The following RBFOX1 variants were observed in gnomAD, a reference collection of about 807,000 sequenced individuals.
The protein encoded by RBFOX1 is RNA binding protein fox-1 homolog 1.
Under a neutral mutation model 57.7 loss-of-function variants are expected in RBFOX1, and 8 were observed. That is an observed-to-expected ratio of 0.14 (90% CI 0.08 to 0.25). RBFOX1 has a LOEUF of 0.25. Ranked by LOEUF, RBFOX1 falls within the 10% of genes least tolerant of loss-of-function variation. The probability of loss-of-function intolerance (pLI) is 1.00; values close to 1 mark genes in which losing one functional copy is unlikely to be tolerated. For synonymous variants in RBFOX1, 326 were observed against 222.4 expected, an observed-to-expected ratio of 1.47 and a Z score of -4.15; for missense variants, 611 against 548.5, an observed-to-expected ratio of 1.11 and a Z score of -1.14.
intron 4 of RBFOX1, among the ~76,000 whole-genome samples, chr16:5,890,302 G>T (rs2058015869): frequency 6.6e-6 from 1 of 152,110 alleles, no homozygotes; most frequent in African/African-American, 2.4e-5. Flanking sequence ...CTTTCATGTT[G>T]ACTGACTTTA....
In RBFOX1 at chr16:6,316,564, A is replaced by G. The variant is rs138687411; in HGVS notation, c.-126-431A>G. On this transcript the variant is annotated intron_variant, in intron 1 of 15. Coordinates refer to ENST00000550418, the MANE Select transcript of RBFOX1 (RefSeq NM_018723.4). Reference sequence around the variant, plus strand: ...AAGCTAATTCCTAGGGGGAAAATCCATAATGATATATCTGAAATGTCAACC... The same window carrying G: ...AAGCTAATTCCTAGGGGGAAAATCCGTAATGATATATCTGAAATGTCAACC... 4.7e-3 allele frequency among the ~76,000 whole-genome samples: 709 copies of G among 152,356 alleles called. 3 individuals are homozygous for G. The highest frequency in any genetic ancestry group is 0.016 in the African/African-American group (685 of 41,586).
intron 3 of RBFOX1, among the ~76,000 whole-genome samples, chr16:5,843,159 T>A (rs986453836): frequency 6.6e-6 from 1 of 152,172 alleles, no homozygotes; most frequent in African/African-American, 2.4e-5. Flanking sequence ...CATTATAGGT[T>A]CAGGGGTACA....
At chr16:6,942,736 CTT>C (rs2078771107) in intron 3 of RBFOX1, among the ~76,000 whole-genome samples, 5 of 152,268 alleles carry the variant, frequency 3.3e-5, no homozygotes, top group Admixed American at 3.3e-4. Context: ...TAGAGACTCT[CTT>C]GAGAGACAGA....
chr16:6,599,823 T>C (rs976185184), intron 2 of RBFOX1, among the ~76,000 whole-genome samples: 6 of 150,798 alleles, frequency 4.0e-5, no homozygotes, highest in African/African-American at 1.4e-4. Context: ...ATGAGAGCAC[T>C]TAGCTTAGAG....
intron 4 of RBFOX1, among the ~76,000 whole-genome samples, chr16:5,971,078 G>A (rs1385600791): frequency 2.6e-5 from 4 of 152,108 alleles, no homozygotes; most frequent in Admixed American, 1.3e-4. Flanking sequence ...GTCCCCTTTC[G>A]ATCTTTATCT....
At chr16:5,383,625 G>A (rs1313787168) in intron 1 of RBFOX1, among the ~76,000 whole-genome samples, 1 of 152,182 alleles carries the variant, frequency 6.6e-6, no homozygotes, top group African/African-American at 2.4e-5. Flanking sequence ...AACTGAGCAG[G>A]TGCTCATAAA....
At chr16:5,985,173 T>C (rs1222852729) in intron 4 of RBFOX1, among the ~76,000 whole-genome samples, 1 of 151,220 alleles carries the variant, frequency 6.6e-6, no homozygotes, top group Non-Finnish European at 1.5e-5. Flanking sequence ...TTTTTATTTT[T>C]AGTAGAGGCG....
intron 3 of RBFOX1, among the ~76,000 whole-genome samples, chr16:5,835,752 C>G (rs2056436359): frequency 6.6e-6 from 1 of 152,222 alleles, no homozygotes; most frequent in Non-Finnish European, 1.5e-5. Flanking sequence ...TGATTAAACT[C>G]AATTTGGCAT....
intron 1 of RBFOX1, among the ~76,000 whole-genome samples, chr16:6,148,116 G>A (rs538390631): frequency 6.6e-5 from 10 of 152,304 alleles, no homozygotes; most frequent in African/African-American, 2.4e-4. Context: ...ATCACCTGAG[G>A]TCAGGAGTTC....
intron 4 of RBFOX1, among the ~76,000 whole-genome samples, chr16:7,127,233 C>G (rs1250629853): frequency 6.6e-6 from 1 of 152,122 alleles, no homozygotes; most frequent in Non-Finnish European, 1.5e-5. Flanking sequence ...ATTCAGCATT[C>G]TCCATACTTT....
rs147381000 is a variant in RBFOX1, at chr16:6,674,578, T to G, written c.-16+19928T>G. Among the ~76,000 whole-genome samples the G allele has an allele frequency of 4.4e-3, 665 of 152,224 alleles. 5 individuals are homozygous for G. The highest frequency in any genetic ancestry group is 0.015 in the African/African-American group (637 of 41,540). On this transcript the variant is annotated intron_variant, in intron 3 of 15. Coordinates refer to ENST00000550418, the MANE Select transcript of RBFOX1 (RefSeq NM_018723.4). ...CTCAAGTGATCCACCCACCTCAGCC[T>G]CCCAAAGTGTTGGAATTACAGGCGT... is the stretch of plus-strand genomic sequence containing the variant.
intron 3 of RBFOX1, among the ~76,000 whole-genome samples, chr16:6,889,408 C>A (rs1306441954): frequency 6.6e-6 from 1 of 152,182 alleles, no homozygotes; most frequent in Non-Finnish European, 1.5e-5. Flanking sequence ...TATGACGGCT[C>A]TGTCAACTTG....
intron 2 of RBFOX1, among the ~76,000 whole-genome samples, chr16:6,589,743 TCTTTGTTTCAAAATTAAA>T (rs1567793863): frequency 6.6e-6 from 1 of 152,220 alleles, no homozygotes; most frequent in Admixed American, 6.5e-5. Flanking sequence ...GCTGTTCTCA[TCTTTGTTTCAAAATTAAA>T]CTATAAACTA....
chr16:6,905,703 C>T (rs1355722895), intron 3 of RBFOX1, among the ~76,000 whole-genome samples: 5 of 152,196 alleles, frequency 3.3e-5, no homozygotes, highest in South Asian at 2.1e-4. Context: ...GGTTAATCAT[C>T]CCTGTTAGAA....
At chr16:5,565,756 G>C (rs565050356) in intron 2 of RBFOX1, among the ~76,000 whole-genome samples, 4 of 152,234 alleles carry the variant, frequency 2.6e-5, no homozygotes, top group Non-Finnish European at 5.9e-5. Context: ...TAGCCATCCT[G>C]AGATATTTTC....
chr16:6,505,577 G>C (rs916782785), intron 2 of RBFOX1, among the ~76,000 whole-genome samples: 1 of 152,098 alleles, frequency 6.6e-6, no homozygotes, highest in Non-Finnish European at 1.5e-5. Flanking sequence ...TGGGGTCCTG[G>C]CTTATGTTTG....
intron 1 of RBFOX1, among the ~76,000 whole-genome samples, chr16:5,425,842 G>A (rs1014503739): frequency 5.3e-5 from 8 of 152,302 alleles, no homozygotes; most frequent in African/African-American, 1.2e-4. Context: ...GCTCATTCCA[G>A]CTCTTAGAGG....
intron 3 of RBFOX1, among the ~76,000 whole-genome samples, chr16:6,748,041 C>A (rs879880731): frequency 6.6e-6 from 1 of 152,140 alleles, no homozygotes. Flanking sequence ...AGTAGTGACA[C>A]CGTTATTTAT....
At chr16:5,532,757 C>T (rs2044538585) in intron 2 of RBFOX1, among the ~76,000 whole-genome samples, 1 of 152,224 alleles carries the variant, frequency 6.6e-6, no homozygotes, top group Non-Finnish European at 1.5e-5. Flanking sequence ...AATCTTCACT[C>T]ATCCAGGTCC....
Sources: allele counts gnomAD v4.1 joint callset (sites outside exome capture counted in the v4.1 genomes callset), GRCh38; gene constraint gnomAD v4.1.1; transcripts MANE v1.5; gene names NCBI Gene and HGNC (gene_info 2026-07-23, HGNC 2026-07-21).